The following DNAH10 variants were observed in gnomAD, a reference collection of about 807,000 sequenced individuals.
DNAH10 encodes the protein axonemal beta dynein heavy chain 10.
Under a neutral mutation model 506.6 loss-of-function variants are expected in DNAH10, and 348 were observed. The ratio of observed to expected loss-of-function variants is 0.69; its 90% CI spans 0.63 to 0.75. The LOEUF (loss-of-function observed/expected upper bound fraction) is 0.75, where lower values mean the gene tolerates loss of function less well. Among genes scored for constraint, DNAH10 ranks in the 30% least tolerant of loss-of-function variants. The pLI is 0.00. For missense variants in DNAH10, 5,179 were observed against 5,787.1 expected (o/e 0.89, Z 3.41); for synonymous variants, 2,059 against 2,198.6 (o/e 0.94, Z 1.78).
chr12:123,848,670 G>A lies in DNAH10; in HGVS notation c.5950-60G>A. The A allele has an allele frequency of 2.5e-6, 4 of 1,598,052 alleles. No individual in the cohort carries two copies. In the South Asian group the frequency reaches 3.3e-5, roughly 13 times the overall value. On this transcript the variant is annotated intron_variant, in intron 33 of 78. Transcript: ENST00000673944. ...TAATTTAGAAAATATATCCATAAAT[G>A]TGTTGCTTGCAGTTTTAAAGATGAA...
At chr12:123,770,368 A>G (rs1434647250) in intron 2 of DNAH10, among the ~76,000 whole-genome samples, 1 of 151,888 alleles carries the variant, frequency 6.6e-6, no homozygotes, top group African/African-American at 2.4e-5. Context: ...TATAGGCGGC[A>G]CCATCACTCC....
In DNAH10 at chr12:123,903,237, C is replaced by G. The variant is rs1594332975; in HGVS notation, c.9815+124C>G. 7 of 1,285,482 alleles carry G rather than the reference C, an allele frequency of 5.4e-6. No homozygotes were observed. Among genetic ancestry groups the G allele is most frequent in the Non-Finnish European group, 7.3e-6 (7 of 959,280 alleles). 79.6% of individuals were successfully genotyped at this position (1,285,482 alleles called of 1,614,324 possible). A position where few individuals can be genotyped will look rare whatever the true frequency, so the allele number is the denominator to read the frequency against. On this transcript the variant is annotated intron_variant, in intron 57 of 78. Transcript: ENST00000673944. This position sits in a 1 kb window ranked among gnomAD's most constrained non-coding sequence, Gnocchi z 4.6. The stretch of plus-strand genomic sequence containing the variant: ...CCACATGCTGCCACTGTGCCTGGCT[C>G]TCTCCATGGTGGAGACTGTTGTTGC...
At position 123,928,266 on chromosome 12, in the gene DNAH10, C is replaced by G. The variant is rs1333104005; in HGVS notation, c.12106-121C>G. 1.8e-6 allele frequency: 2 copies of G among 1,126,642 alleles called. No homozygotes were observed. Among genetic ancestry groups the G allele is most frequent in the Admixed American group, 2.5e-5 (1 of 39,910 alleles). The allele number at this position is 1,126,642 out of a possible 1,614,324, so 69.8% of individuals were successfully genotyped here. ...CCACCTGTAGCTCCTGGATCCTCGG[C>G]TTGCTTTTGGCTTCTGCTGGAGCTG... On this transcript the variant is annotated intron_variant, in intron 69 of 78. Transcript: ENST00000673944. The surrounding 1 kb of genome is among the most constrained non-coding windows in gnomAD (Gnocchi z 4.9).
chr12:123,929,567 A>G (rs1392516041), intron 71 of DNAH10, 83 bp downstream of exon 71: 16 of 1,569,446 alleles, frequency 1.0e-5, no homozygotes, highest in Admixed American at 1.9e-5. Flanking sequence ...CAACCACAGC[A>G]GGGTTGCACC....
chr12:123,867,624 A>C, intron 42 of DNAH10, 23 bp downstream of exon 42: 1 of 1,611,022 alleles, frequency 6.2e-7, no homozygotes, highest in South Asian at 1.1e-5. Context: ...CCCTGCTGTT[A>C]GCAAAAAGAA....
At position 123,926,491 on chromosome 12, in the gene DNAH10, A is replaced by G. The variant is rs1954949652; in HGVS notation, c.11922-146A>G. On this transcript the variant is annotated intron_variant, in intron 68 of 78. Transcript: ENST00000673944. This position sits in a 1 kb window ranked among gnomAD's most constrained non-coding sequence, Gnocchi z 4.1. ...GAGACGTGCATAGAAACTAGAATCTAAAACAGGGAAGACTGCAACGAGCTA... is the reference window on the plus strand; with the variant it reads ...GAGACGTGCATAGAAACTAGAATCTGAAACAGGGAAGACTGCAACGAGCTA... The G allele has an allele frequency of 4.7e-6, 4 of 844,780 alleles. No homozygotes were observed. The highest frequency in any genetic ancestry group is 5.3e-6 in the Non-Finnish European group (3 of 566,350). The allele number at this position is 844,780 out of a possible 1,614,324, so 52.3% of individuals were successfully genotyped here. A position where few individuals can be genotyped will look rare whatever the true frequency, so the allele number is the denominator to read the frequency against.
At chr12:123,845,551 C>T in intron 30 of DNAH10, 49 bp from the exon 31 acceptor site, 1 of 1,595,130 alleles carries the variant, frequency 6.3e-7, no homozygotes, top group Non-Finnish European at 8.5e-7. Flanking sequence ...GTTTTGGGTA[C>T]CAGTCCCCGG....
chr12:123,784,594 T>C (rs946198191), intron 8 of DNAH10, among the ~76,000 whole-genome samples: 1 of 152,184 alleles, frequency 6.6e-6, no homozygotes, highest in Non-Finnish European at 1.5e-5. Flanking sequence ...AGACATGACA[T>C]GATATTATCA....
At chr12:123,934,875 A>G (rs1431942731) in intron 78 of DNAH10, 109 bp downstream of exon 78, 1 of 1,405,998 alleles carries the variant, frequency 7.1e-7, no homozygotes, top group Non-Finnish European at 9.7e-7. Flanking sequence ...GGGGTGCCTA[A>G]GCTTTATGGG....
At chr12:123,842,332 G>C (rs1486497694) in intron 30 of DNAH10, among the ~76,000 whole-genome samples, 1 of 152,228 alleles carries the variant, frequency 6.6e-6, no homozygotes, top group Admixed American at 6.5e-5. Context: ...TTTGTGGCTA[G>C]AGAGGCTTCA....
chr12:123,881,615 TTA>T lies in DNAH10; in HGVS notation c.8635-9_8635-8del, dbSNP rs1408075822. 9 of 1,515,094 alleles carry T rather than the reference TTA, an allele frequency of 5.9e-6. No homozygotes were observed. The highest frequency in any genetic ancestry group is 3.9e-5 in the South Asian group (3 of 76,042). 93.9% of individuals were successfully genotyped at this position (1,515,094 alleles called of 1,614,324 possible). On this transcript the variant is annotated splice_polypyrimidine_tract_variant and splice_region_variant and intron_variant, in intron 50 of 78. Coordinates refer to ENST00000673944, the MANE Select transcript of DNAH10 (RefSeq NM_001372106.1). ...TGGGTTTTGAATTCTTTTTTTTTTT[TTA>T]AATGCAGGAAATTCTTGAAGAGTAT...
chr12:123,928,871 CA>C lies in DNAH10; in HGVS notation c.12306+285del. The C allele has an allele frequency of 2.1e-6, 1 of 481,956 alleles. No homozygotes were observed. Among genetic ancestry groups the C allele is most frequent in the Non-Finnish European group, 3.7e-6 (1 of 272,758 alleles). 29.9% of individuals were successfully genotyped at this position (481,956 alleles called of 1,614,324 possible). A position where few individuals can be genotyped will look rare whatever the true frequency, so the allele number is the denominator to read the frequency against. On this transcript the variant is annotated intron_variant, in intron 70 of 78. Transcript: ENST00000673944. This position sits in a 1 kb window ranked among gnomAD's most constrained non-coding sequence, Gnocchi z 4.9. ...AAACTTCACGGCCCCCCCCCCCACACACAGCCTGCAGTTCGCTAGTGCTGAC... is the reference window on the plus strand; with the variant it reads ...AAACTTCACGGCCCCCCCCCCCACACCAGCCTGCAGTTCGCTAGTGCTGAC...
At position 123,840,339 on chromosome 12, in the gene DNAH10, C is replaced by T. The variant is rs146034062; in HGVS notation, c.5137-983C>T. On this transcript the variant is annotated intron_variant, in intron 29 of 78. Coordinates refer to ENST00000673944, the MANE Select transcript of DNAH10 (RefSeq NM_001372106.1). ...CTTCTTAAAGTAAGATTCATATTTTCGACTGCATATTTTTCCTTTCTCAAA... is the reference window on the plus strand; with the variant it reads ...CTTCTTAAAGTAAGATTCATATTTTTGACTGCATATTTTTCCTTTCTCAAA... 6.8e-5 allele frequency among the ~76,000 whole-genome samples: 10 copies of T among 147,644 alleles called. No homozygotes were observed. The South Asian group carries it at 1.1e-3, about 16-fold the overall frequency.
intron 48 of DNAH10, 37 bp downstream of exon 48, chr12:123,877,945 G>A (rs1336950730): frequency 6.3e-7 from 1 of 1,591,878 alleles, no homozygotes; most frequent in Non-Finnish European, 8.5e-7. Context: ...ATGCCCCACA[G>A]GTATGATAGT....
chr12:123,768,837 C>T (rs1593959387), intron 2 of DNAH10, among the ~76,000 whole-genome samples: 2 of 152,268 alleles, frequency 1.3e-5, no homozygotes, highest in African/African-American at 4.8e-5. Flanking sequence ...CTTCTAGGCT[C>T]AAGCAATCCT....
chr12:123,924,871 T>G (rs539590536), intron 67 of DNAH10, among the ~76,000 whole-genome samples, 179 bp from the exon 68 acceptor site: 2 of 152,212 alleles, frequency 1.3e-5, no homozygotes, highest in South Asian at 4.1e-4. Flanking sequence ...ACTCAGTTGC[T>G]CCTTTCTCAA....
chr12:123,770,971 A>ATTTTTT (rs1957230174), intron 2 of DNAH10, among the ~76,000 whole-genome samples: 3 of 117,888 alleles, frequency 2.5e-5, no homozygotes, highest in African/African-American at 1.0e-4. Context: ...GCTAGCTGTA[A>ATTTTTT]TTCTTTTTTT....
At chr12:123,835,604 T>C in intron 28 of DNAH10, 76 bp downstream of exon 28, 1 of 1,524,218 alleles carries the variant, frequency 6.6e-7, no homozygotes, top group Non-Finnish European at 8.8e-7. Context: ...TATTTGCACA[T>C]TGTATTTTCT....
At chr12:123,887,413 C>T (rs1249893117) in intron 52 of DNAH10, 100 bp downstream of exon 52, 2 of 1,375,334 alleles carry the variant, frequency 1.5e-6, no homozygotes, top group African/African-American at 1.5e-5. Flanking sequence ...CTGTGGGTAG[C>T]CCTGTGCGGG....
Sources: gnomAD v4.1 joint callset for allele counts (sites outside exome capture counted in the v4.1 genomes callset) on GRCh38, gnomAD v4.1.1 for gene constraint, Gnocchi (gnomAD v3.1) non-coding constraint, MANE v1.5 for transcripts, NCBI Gene and HGNC (gene_info 2026-07-23, HGNC 2026-07-21) for gene names.